AP4E1: variants seen among roughly 807,000 people sequenced by gnomAD.
AP4E1 encodes the protein adaptor related protein complex 4 subunit epsilon 1, also known as AP-4 complex subunit epsilon-1.
In AP4E1, 56 loss-of-function variants were observed where a neutral mutation model predicts 128.2. The observed-to-expected ratio is 0.44, with a 90% CI of 0.35 to 0.55. The LOEUF (loss-of-function observed/expected upper bound fraction) is 0.55. Among genes scored for constraint, AP4E1 ranks in the 20% least tolerant of loss-of-function variants. The pLI is 0.00. For synonymous variants in AP4E1, 484 were observed against 473.1 expected (o/e 1.02, Z -0.30); for missense variants, 1,324 against 1,307.7 (o/e 1.01, Z -0.19).
intron 17 of AP4E1, 79 bp from the exon 18 acceptor site, chr15:50,997,247 T>A (rs1384226038): frequency 7.8e-7 from 1 of 1,282,660 alleles, no homozygotes; most frequent in Non-Finnish European, 1.1e-6. Context: ...TATTGCTGAT[T>A]TGAAATTATA....
intron 13 of AP4E1, among the ~76,000 whole-genome samples, chr15:50,955,942 T>A (rs1596482353): frequency 6.6e-6 from 1 of 152,010 alleles, no homozygotes; most frequent in South Asian, 2.1e-4. Context: ...AGTAGGAGGG[T>A]TACTGTCTGA....
intron 14 of AP4E1, among the ~76,000 whole-genome samples, chr15:50,963,812 G>A (rs1034404440): frequency 6.6e-6 from 1 of 152,196 alleles, no homozygotes; most frequent in African/African-American, 2.4e-5. Flanking sequence ...TCAAAGAATC[G>A]TATGTACGCC....
chr15:50,931,064 T>G (rs1371618979), intron 7 of AP4E1, 93 bp downstream of exon 7: 2 of 1,441,344 alleles, frequency 1.4e-6, no homozygotes, highest in Non-Finnish European at 1.9e-6. Context: ...TAAACCAGAT[T>G]CTTCCAATGT....
At chr15:50,969,816 G>A (rs1346609084) in intron 15 of AP4E1, among the ~76,000 whole-genome samples, 3 of 151,584 alleles carry the variant, frequency 2.0e-5, no homozygotes, top group South Asian at 2.1e-4. Flanking sequence ...CGGCCACCAC[G>A]CCCAGCTAAT....
At chr15:50,957,246 A>G (rs1299620418) in intron 13 of AP4E1, among the ~76,000 whole-genome samples, 1 of 152,122 alleles carries the variant, frequency 6.6e-6, no homozygotes, top group Non-Finnish European at 1.5e-5. Flanking sequence ...CTCGGCAGGA[A>G]GGGGAGCTGA....
intron 20 of AP4E1, 105 bp downstream of exon 20, chr15:51,001,288 C>T: frequency 4.7e-6 from 5 of 1,062,174 alleles, no homozygotes; most frequent in Non-Finnish European, 6.9e-6. Flanking sequence ...GCTTTATTTC[C>T]TATTATGACT....
At position 50,993,399 on chromosome 15, in the gene AP4E1, A is replaced by G. The variant is rs2064828064; in HGVS notation, c.2120A>G (p.Lys707Arg). The G allele has an allele frequency of 6.2e-7, 1 of 1,613,884 alleles. No individual in the cohort carries two copies. The highest frequency in any genetic ancestry group is 8.5e-7 in the Non-Finnish European group (1 of 1,179,950). ...ETNSLKLEGI[K>R]KLWGKEGYLP... The stretch of plus-strand genomic sequence containing the variant: ...AATAGCTTGAAGCTGGAAGGTATAA[A>G]GAAATTGTGGGGGAAAGAAGGCTAT... Residue 707 changes from lysine (K) to arginine (R), a missense_variant, in exon 17 of 21, where the codon AAG becomes AGG. Coordinates refer to ENST00000261842, the MANE Select transcript of AP4E1 (RefSeq NM_007347.5).
intron 14 of AP4E1, among the ~76,000 whole-genome samples, chr15:50,959,775 A>C (rs1323190725): frequency 1.3e-5 from 2 of 152,350 alleles, no homozygotes; most frequent in East Asian, 3.9e-4. Context: ...GTAAGTCCTC[A>C]ACTATCCATA....
intron 3 of AP4E1, among the ~76,000 whole-genome samples, chr15:50,920,678 A>G (rs955509614): frequency 3.9e-5 from 6 of 152,186 alleles, no homozygotes; most frequent in African/African-American, 1.4e-4. Context: ...GATTGCAGGC[A>G]TGAGCCACTG....
chr15:50,968,854 GCCTCAAGTGATCTTTGACCT>G (rs1357524736), intron 15 of AP4E1, among the ~76,000 whole-genome samples: 2 of 152,020 alleles, frequency 1.3e-5, no homozygotes, highest in Non-Finnish European at 2.9e-5. Flanking sequence ...TCAAACTTCG[GCCTCAAGTGATCTTTGACCT>G]CCCAAAGTGC....
At position 50,999,192 on chromosome 15, in the gene AP4E1, TATC is replaced by T. The variant is rs756370491; in HGVS notation, c.3028_3030del (p.His1010del). On this transcript the variant is annotated inframe_deletion, in exon 19 of 21. Coordinates refer to ENST00000261842, the MANE Select transcript of AP4E1 (RefSeq NM_007347.5). ...AGGAAATCTTACTGGTTTTATTAGT[TATC>T]ATATGATGGATACTCATTCTGCTCA... The T allele has an allele frequency of 1.9e-6, 3 of 1,613,636 alleles. No individual in the cohort carries two copies. The highest frequency in any genetic ancestry group is 2.2e-5 in the East Asian group (1 of 44,836).
chr15:50,929,109 T>A lies in AP4E1; in HGVS notation c.643T>A (p.Cys215Ser). Reference protein sequence around the residue: ...HIHIKFRKALCDRDVGVMAAS... With the variant: ...HIHIKFRKALSDRDVGVMAAS... ...TCATATTAAGTTTCGGAAAGCACTT[T>A]GTGACAGAGATGTTGGGGTCATGGC... The change falls in exon 6 of 21, where the codon TGT becomes AGT. Residue 215 changes from cysteine to serine, a missense_variant. Physicochemically the swap from Cys to Ser is moderately radical, Grantham distance 112 (BLOSUM62 -1). Coordinates refer to ENST00000261842, the MANE Select transcript of AP4E1 (RefSeq NM_007347.5). 4 of 1,613,942 alleles carry A rather than the reference T, an allele frequency of 2.5e-6. No individual in the cohort carries two copies. The highest frequency in any genetic ancestry group is 3.4e-6 in the Non-Finnish European group (4 of 1,179,918).
At chr15:50,908,190 C>A (rs1727909032), upstream of AP4E1, among the ~76,000 whole-genome samples, 2 of 152,164 alleles carry the variant, frequency 1.3e-5, no homozygotes, top group African/African-American at 4.8e-5. Context: ...CCTGGCACGC[C>A]GAATCCTCAG....
At chr15:50,970,542 C>T (rs2064464315) in intron 15 of AP4E1, among the ~76,000 whole-genome samples, 1 of 152,178 alleles carries the variant, frequency 6.6e-6, no homozygotes, top group Non-Finnish European at 1.5e-5. Flanking sequence ...TTTGGATGCT[C>T]TGGTGTTGGG....
chr15:51,000,843 A>G lies in AP4E1; in HGVS notation c.3096-183A>G, dbSNP rs2064952459. 4.6e-5 allele frequency among the ~76,000 whole-genome samples: 7 copies of G among 152,188 alleles called. No homozygotes were observed. The South Asian group carries it at 1.4e-3, about 32-fold the overall frequency. ...TAAATTTAATAATATACCTGCTTTC[A>G]GTATTTTCATCAGGTTGGAGGATGA... is the stretch of plus-strand genomic sequence containing the variant. On this transcript the variant is annotated intron_variant, in intron 19 of 20. Transcript: ENST00000261842.
upstream of AP4E1, among the ~76,000 whole-genome samples, chr15:50,907,919 A>T (rs779776606): frequency 6.6e-6 from 1 of 152,192 alleles, no homozygotes; most frequent in Non-Finnish European, 1.5e-5. Context: ...CTGTTTACGT[A>T]GTGGCAACTG....
chr15:50,943,699 C>T (rs558756668), intron 10 of AP4E1, among the ~76,000 whole-genome samples: 8 of 152,174 alleles, frequency 5.3e-5, no homozygotes, highest in African/African-American at 1.9e-4. Flanking sequence ...TTCTAATACA[C>T]CCATTGGATG....
intron 18 of AP4E1, among the ~76,000 whole-genome samples, chr15:50,998,360 G>A (rs1478555837): frequency 2.0e-5 from 3 of 151,814 alleles, no homozygotes; most frequent in Non-Finnish European, 2.9e-5. Context: ...GGCCAGGTGC[G>A]GTGGCTTATG....
intron 10 of AP4E1, among the ~76,000 whole-genome samples, chr15:50,946,262 C>G (rs1459337386): frequency 1.3e-5 from 2 of 152,178 alleles, no homozygotes; most frequent in African/African-American, 4.8e-5. Context: ...CAGATATACT[C>G]TGTATATTCT....
Sources: gnomAD v4.1 joint callset for allele counts (sites outside exome capture counted in the v4.1 genomes callset) on GRCh38, gnomAD v4.1.1 for gene constraint, MANE v1.5 for transcripts, NCBI Gene and HGNC (gene_info 2026-07-23, HGNC 2026-07-21) for gene names.